ABCA13: variants seen among roughly 807,000 people sequenced by gnomAD.
ABCA13 encodes ATP binding cassette subfamily A member 13.
Under a neutral mutation model 478.7 loss-of-function variants are expected in ABCA13, and 476 were observed. The observed-to-expected ratio is 0.99, with a 90% CI of 0.92 to 1.07. The LOEUF (loss-of-function observed/expected upper bound fraction) is 1.07. Among genes scored for constraint, ABCA13 ranks in the 50% least tolerant of loss-of-function variants. ABCA13 has a pLI of 0.00. For missense variants in ABCA13, 6,060 were observed against 5,910.6 expected (o/e 1.03, Z -0.83); for synonymous variants, 2,252 against 2,158.9 (o/e 1.04, Z -1.20).
At chr7:48,192,507 G>A (rs1178864296) in intron 1 of ABCA13, among the ~76,000 whole-genome samples, 1 of 152,142 alleles carries the variant, frequency 6.6e-6, no homozygotes, top group African/African-American at 2.4e-5. Flanking sequence ...TATAAATCTT[G>A]TTTGGCAATA....
At chr7:48,512,480 G>T (rs541522433) in intron 51 of ABCA13, among the ~76,000 whole-genome samples, 3 of 152,076 alleles carry the variant, frequency 2.0e-5, no homozygotes, top group Non-Finnish European at 4.4e-5. Context: ...ATGGACTTGT[G>T]TATAAAGATC....
chr7:48,475,497 G>T (rs994461298), intron 45 of ABCA13, among the ~76,000 whole-genome samples: 3 of 120,098 alleles, frequency 2.5e-5, no homozygotes, highest in African/African-American at 6.5e-5. Flanking sequence ...ACAGAGTCTC[G>T]CTCTGTCACC....
At position 48,274,454 on chromosome 7, in the gene ABCA13, CATTT is replaced by C. The variant is rs746891477; in HGVS notation, c.4791_4794del (p.Tyr1598ThrfsTer2). 2.5e-6 allele frequency: 4 copies of C among 1,613,776 alleles called. No individual in the cohort carries two copies. Among genetic ancestry groups the C allele is most frequent in the Non-Finnish European group, 3.4e-6 (4 of 1,179,790 alleles). On this transcript the variant is annotated frameshift_variant, in exon 17 of 62. Transcript: ENST00000435803. LOFTEE classifies it high-confidence loss of function. ...AGGATGTAAACAGTGTAGGCAATTC[CATTT>C]ATCACTTAGCTAGTTACCTTGCCTT...
intron 42 of ABCA13, among the ~76,000 whole-genome samples, chr7:48,434,214 G>A (rs1202706384): frequency 6.6e-6 from 1 of 151,988 alleles, no homozygotes; most frequent in African/African-American, 2.4e-5. Context: ...CCTAATGGGT[G>A]TGAAGTGGTA....
chr7:48,536,508 C>T (rs954582153), intron 55 of ABCA13, among the ~76,000 whole-genome samples: 7 of 151,938 alleles, frequency 4.6e-5, no homozygotes, highest in South Asian at 2.1e-4. Flanking sequence ...ATTACGTGGG[C>T]GTGGTGGTGT....
Position 48,249,423 on chromosome 7 carries a change from G to C in ABCA13, c.2005+72G>C, listed in dbSNP as rs1792193643. ...TTAGTGAGGTGACATAATTTCCTGAGAGTCCATCCTATTTAACAAAGCGGG... is the reference window on the plus strand; with the variant it reads ...TTAGTGAGGTGACATAATTTCCTGACAGTCCATCCTATTTAACAAAGCGGG... On this transcript the variant is annotated intron_variant, in intron 15 of 61. Coordinates refer to ENST00000435803, the MANE Select transcript of ABCA13 (RefSeq NM_152701.5). 24 of 1,584,740 alleles carry C rather than the reference G, an allele frequency of 1.5e-5. No homozygotes were observed. The South Asian group carries it at 2.5e-4, about 16-fold the overall frequency.
At chr7:48,639,435 A>G (rs1482697348) in intron 59 of ABCA13, among the ~76,000 whole-genome samples, 2 of 152,172 alleles carry the variant, frequency 1.3e-5, no homozygotes, top group African/African-American at 4.8e-5. Context: ...TTAGGGACCA[A>G]TGTAGTCTGA....
At position 48,186,123 on chromosome 7, in the gene ABCA13, A is replaced by T. The variant is rs933364527; in HGVS notation, c.70-6836A>T. Among the ~76,000 whole-genome samples, 6 of 152,100 alleles carry T rather than the reference A, an allele frequency of 3.9e-5. No individual in the cohort carries two copies. The Middle Eastern group carries it at 0.011, about 278-fold the overall frequency. On this transcript the variant is annotated intron_variant, in intron 1 of 61. Transcript: ENST00000435803. ...TTTAATTACAGCCATTCTAAATAGC[A>T]TATAGCATTTTCTTTTTGAAATCAA...
chr7:48,615,168 A>T, intron 58 of ABCA13, 117 bp from the exon 59 acceptor site: 1 of 540,128 alleles, frequency 1.9e-6, no homozygotes, highest in South Asian at 9.7e-5. Context: ...TTTCTGTGTA[A>T]AAAAATTAAG....
rs1165076104 is a variant in ABCA13 at position 48,471,533 on chromosome 7, G to T, written c.12909G>T (p.Lys4303Asn). The change falls in exon 45 of 62, where the codon AAG (lysine) becomes AAT (asparagine). Residue 4303 changes from lysine (K) to asparagine (N), a missense_variant. Physicochemically the swap from Lys to Asn is moderately conservative, Grantham distance 94. This residue lies in a region of ABCA13 where 1,627 missense variants were observed against 1,571.0 expected (regional missense o/e 1.04). Transcript: ENST00000435803. ...LPCADLNPRQ[K>N]NSSCWRTDPF... ...AATTCTCTCCTTTGTTTTTTAGGAAGAATTCTTCATGCTGGCGCACAGATC... is the reference window on the plus strand; with the variant it reads ...AATTCTCTCCTTTGTTTTTTAGGAATAATTCTTCATGCTGGCGCACAGATC... The T allele has an allele frequency of 6.4e-7, 1 of 1,556,690 alleles. No homozygotes were observed. The highest frequency in any genetic ancestry group is 1.7e-4 in the Middle Eastern group (1 of 5,996).
intron 55 of ABCA13, among the ~76,000 whole-genome samples, chr7:48,555,780 C>T (rs759625132): frequency 2.7e-5 from 4 of 150,930 alleles, no homozygotes; most frequent in Non-Finnish European, 4.4e-5. Flanking sequence ...TTTTATTGAT[C>T]GTTTATATTA....
Position 48,272,436 on chromosome 7 carries a change from A to G in ABCA13, c.2770A>G (p.Arg924Gly). The G allele has an allele frequency of 6.2e-7, 1 of 1,613,836 alleles. No individual in the cohort carries two copies. Among genetic ancestry groups the G allele is most frequent in the Non-Finnish European group, 8.5e-7 (1 of 1,179,788 alleles). Residue 924 changes from arginine (R) to glycine (G), a missense_variant, in exon 17 of 62, where the codon AGG (arginine) becomes GGG (glycine). Arg to Gly is a moderately radical substitution (Grantham distance 125). Around this residue, in one of 3 missense-constraint regions of ABCA13, gnomAD observed 4,423 missense variants for 4,309.1 expected, o/e 1.03. Coordinates refer to ENST00000435803, the MANE Select transcript of ABCA13 (RefSeq NM_152701.5). Reference protein sequence around the residue: ...SEALNTVYAIRNASDLFSALS... With the variant: ...SEALNTVYAIGNASDLFSALS... ...AGCTCTGAACACAGTCTACGCTATC[A>G]GGAATGCATCTGATCTTTTCTCAGC...
At chr7:48,432,354 T>G (rs548338049) in intron 42 of ABCA13, among the ~76,000 whole-genome samples, 1 of 152,246 alleles carries the variant, frequency 6.6e-6, no homozygotes, top group South Asian at 2.1e-4. Context: ...AAAAAGGAAC[T>G]CTTCCATACT....
At chr7:48,376,694 A>T (rs1813540346) in intron 35 of ABCA13, 122 bp downstream of exon 35, 1 of 1,158,044 alleles carries the variant, frequency 8.6e-7, no homozygotes, top group Non-Finnish European at 1.2e-6. Context: ...AAGTCTTAGG[A>T]TATATATTTA....
At chr7:48,441,845 A>G (rs1823637981) in intron 42 of ABCA13, among the ~76,000 whole-genome samples, 1 of 152,220 alleles carries the variant, frequency 6.6e-6, no homozygotes, top group African/African-American at 2.4e-5. Context: ...TCTACTATAG[A>G]GACTGCGAAC....
intron 41 of ABCA13, among the ~76,000 whole-genome samples, chr7:48,427,343 T>A (rs1349658230): frequency 6.6e-6 from 1 of 152,246 alleles, no homozygotes; most frequent in African/African-American, 2.4e-5. Flanking sequence ...GGGATTTTTA[T>A]GTATGAGATC....
intron 15 of ABCA13, among the ~76,000 whole-genome samples, chr7:48,261,607 G>T (rs1038214733): frequency 3.3e-5 from 5 of 149,258 alleles, no homozygotes; most frequent in Non-Finnish European, 7.4e-5. Flanking sequence ...CTTCTTTAAA[G>T]ATTTTTTAAA....
intron 55 of ABCA13, among the ~76,000 whole-genome samples, chr7:48,542,071 T>TTATG (rs1833980268): frequency 6.6e-6 from 1 of 151,596 alleles, no homozygotes; most frequent in East Asian, 1.9e-4. Flanking sequence ...AATACATTCT[T>TTATG]TGATGTGAAG....
intron 17 of ABCA13, among the ~76,000 whole-genome samples, chr7:48,277,463 A>T (rs909387735): frequency 6.6e-6 from 1 of 152,208 alleles, no homozygotes; most frequent in African/African-American, 2.4e-5. Context: ...CTGATCAGGG[A>T]TTTTAACTCC....
Sources: gnomAD v4.1 joint callset for allele counts (sites outside exome capture counted in the v4.1 genomes callset) on GRCh38, gnomAD v4.1.1 for gene constraint, gnomAD v4.1.1 regional missense constraint, MANE v1.5 for transcripts, NCBI Gene and HGNC (gene_info 2026-07-23, HGNC 2026-07-21) for gene names.